The following KALRN variants were observed in gnomAD, a reference collection of about 807,000 sequenced individuals.
The protein encoded by KALRN is kalirin RhoGEF kinase.
In KALRN, 70 loss-of-function variants were observed where a neutral mutation model predicts 353.7. The observed-to-expected ratio is 0.20, with a 90% CI of 0.16 to 0.24. The LOEUF is 0.24. Among genes scored for constraint, KALRN ranks in the 10% least tolerant of loss-of-function variants. The pLI, the probability that KALRN is intolerant of heterozygous loss-of-function variation, is 1.00. For missense variants in KALRN, 2,791 were observed against 3,756.7 expected (o/e 0.74, Z 6.72); for synonymous variants, 1,391 against 1,434.8 (o/e 0.97, Z 0.69).
chr3:124,142,296 C>T (rs966450608), intron 1 of KALRN, among the ~76,000 whole-genome samples: 1 of 152,234 alleles, frequency 6.6e-6, no homozygotes, highest in Non-Finnish European at 1.5e-5. Flanking sequence ...GTCCAGCACT[C>T]AGTCCTGCGT....
intron 10 of KALRN, among the ~76,000 whole-genome samples, chr3:124,364,764 C>T (rs1404647776): frequency 6.6e-6 from 1 of 152,218 alleles, no homozygotes; most frequent in East Asian, 1.9e-4. Flanking sequence ...GACAGCCACT[C>T]ATTAGGGCTT....
chr3:124,620,828 T>A (rs1374728389), intron 34 of KALRN, among the ~76,000 whole-genome samples: 1 of 152,214 alleles, frequency 6.6e-6, no homozygotes, highest in Non-Finnish European at 1.5e-5. Flanking sequence ...GACAGAGGAT[T>A]ACACAGGAGA....
chr3:124,535,971 C>T (rs1002218647), intron 33 of KALRN, among the ~76,000 whole-genome samples: 2 of 152,082 alleles, frequency 1.3e-5, no homozygotes, highest in African/African-American at 4.8e-5. Flanking sequence ...GGAAAATGTG[C>T]CATCCCCCAT....
chr3:124,464,031 T>C lies in KALRN; in HGVS notation c.4031+1398T>C, dbSNP rs575689941. On this transcript the variant is annotated intron_variant, in intron 25 of 59. Coordinates refer to ENST00000682506, the MANE Select transcript of KALRN (RefSeq NM_001388419.1). ...CTGGAAATTTCCAGATGTAGAAATA[T>C]CATGTCCTCATGCTTATCACTGATA... Among the ~76,000 whole-genome samples, 4 of 152,292 alleles carry C rather than the reference T, an allele frequency of 2.6e-5. No homozygotes were observed. In the South Asian group the frequency reaches 6.2e-4, roughly 24 times the overall value.
chr3:124,221,885 T>G (rs1351739936), intron 1 of KALRN, among the ~76,000 whole-genome samples: 1 of 152,160 alleles, frequency 6.6e-6, no homozygotes, highest in African/African-American at 2.4e-5. Context: ...GAAATTGGGT[T>G]TCCCCTCCAA....
intron 33 of KALRN, among the ~76,000 whole-genome samples, chr3:124,538,331 C>T (rs1490781762): frequency 2.6e-5 from 4 of 151,584 alleles, no homozygotes; most frequent in East Asian, 1.9e-4. Flanking sequence ...AGACAGGATG[C>T]GAGAGATGGG....
chr3:124,274,963 G>C (rs990694358), intron 5 of KALRN, among the ~76,000 whole-genome samples: 6 of 152,106 alleles, frequency 3.9e-5, no homozygotes, highest in African/African-American at 1.2e-4. Flanking sequence ...ATTTGTCCTG[G>C]GGTGACACGT....
At chr3:124,653,233 G>A (rs920222854) in intron 38 of KALRN, among the ~76,000 whole-genome samples, 5 of 152,126 alleles carry the variant, frequency 3.3e-5, no homozygotes, top group African/African-American at 9.7e-5. Flanking sequence ...GCAGTGGGGC[G>A]TCAAAGGGTT....
chr3:124,335,363 CT>C (rs945142847), intron 9 of KALRN, among the ~76,000 whole-genome samples: 3 of 151,370 alleles, frequency 2.0e-5, no homozygotes, highest in East Asian at 1.9e-4. Flanking sequence ...TATGTAGTTT[CT>C]TTTTTTTTGT....
chr3:124,701,255 G>A (rs2173852), intron 56 of KALRN, among the ~76,000 whole-genome samples: 5 of 152,138 alleles, frequency 3.3e-5, no homozygotes, highest in African/African-American at 7.2e-5. Context: ...CATCACACAA[G>A]GTAATACTGC....
intron 55 of KALRN, among the ~76,000 whole-genome samples, chr3:124,699,351 C>T (rs1427236055): frequency 6.6e-6 from 1 of 152,204 alleles, no homozygotes; most frequent in Non-Finnish European, 1.5e-5. Flanking sequence ...TTAGCGGTCT[C>T]TACCTCACTG....
intron 1 of KALRN, among the ~76,000 whole-genome samples, chr3:124,038,934 C>T (rs1292962495): frequency 1.3e-5 from 2 of 152,252 alleles, no homozygotes; most frequent in East Asian, 3.8e-4. Flanking sequence ...TGCTCATTCA[C>T]AGGGCATGGC....
At chr3:124,596,691 T>C (rs932462526) in intron 34 of KALRN, among the ~76,000 whole-genome samples, 1 of 152,218 alleles carries the variant, frequency 6.6e-6, no homozygotes, top group Non-Finnish European at 1.5e-5. Flanking sequence ...AGTTGATGTA[T>C]GTAAATCACT....
At chr3:124,612,368 T>C (rs910583376) in intron 34 of KALRN, among the ~76,000 whole-genome samples, 1 of 152,164 alleles carries the variant, frequency 6.6e-6, no homozygotes, top group African/African-American at 2.4e-5. Flanking sequence ...CATGCCCAGC[T>C]AATTTTGTAT....
intron 16 of KALRN, among the ~76,000 whole-genome samples, chr3:124,433,663 T>C (rs2093363907): frequency 6.6e-6 from 1 of 151,216 alleles, no homozygotes; most frequent in African/African-American, 2.4e-5. Context: ...CCTCAAGGGA[T>C]ATGTAAATAA....
chr3:124,143,802 G>A (rs1437908976), intron 1 of KALRN, among the ~76,000 whole-genome samples: 3 of 152,170 alleles, frequency 2.0e-5, no homozygotes, highest in Non-Finnish European at 4.4e-5. Flanking sequence ...AGGCTCTAAT[G>A]TATATTTGTT....
At chr3:124,110,484 C>CACAT (rs2062858508) in intron 1 of KALRN, among the ~76,000 whole-genome samples, 1 of 151,620 alleles carries the variant, frequency 6.6e-6, no homozygotes, top group South Asian at 2.1e-4. Flanking sequence ...CACACACACA[C>CACAT]ACACACACAC....
intron 7 of KALRN, 90 bp from the exon 8 acceptor site, chr3:124,329,771 C>A: frequency 6.9e-7 from 1 of 1,448,206 alleles, no homozygotes. Context: ...CCTGATGTTT[C>A]TTCCCAAGGT....
In KALRN at chr3:124,066,767, C is replaced by A. The variant is rs573779261; in HGVS notation, c.73+32954C>A. On this transcript the variant is annotated intron_variant, in intron 1 of 59. Transcript: ENST00000682506. ...ATCTAGGTCAGCCTTGGGCACTCAG[C>A]CGGCTGGAGAAGGACAGAGGGTGTG... 2.0e-5 allele frequency among the ~76,000 whole-genome samples: 3 copies of A among 152,276 alleles called. No homozygotes were observed. In the East Asian group the frequency reaches 5.8e-4, roughly 29 times the overall value.
Sources: allele counts gnomAD v4.1 joint callset (sites outside exome capture counted in the v4.1 genomes callset), GRCh38; gene constraint gnomAD v4.1.1; transcripts MANE v1.5; gene names NCBI Gene and HGNC (gene_info 2026-07-23, HGNC 2026-07-21).